The following NRP1 variants were observed in gnomAD, a reference collection of about 807,000 sequenced individuals.
The protein encoded by NRP1 is neuropilin 1, also known as neuropilin-1.
Under a neutral mutation model 106.7 loss-of-function variants are expected in NRP1, and 35 were observed. That is an observed-to-expected ratio of 0.33 (90% confidence interval 0.25 to 0.43). The LOEUF is 0.43. Ranked by LOEUF, NRP1 falls within the 20% of genes least tolerant of loss-of-function variation. The pLI is 1.00. For missense variants in NRP1, 1,024 were observed against 1,170.4 expected (o/e 0.87, Z 1.83); for synonymous variants, 437 against 417.9 (o/e 1.05, Z -0.56).
intron 11 of NRP1, among the ~76,000 whole-genome samples, chr10:33,200,074 T>A (rs1226723816): frequency 6.6e-6 from 1 of 152,164 alleles, no homozygotes; most frequent in Non-Finnish European, 1.5e-5. Flanking sequence ...ATTATATGTA[T>A]TATGGGTTAA....
intron 2 of NRP1, among the ~76,000 whole-genome samples, chr10:33,289,279 C>A (rs888206020): frequency 6.6e-6 from 1 of 152,072 alleles, no homozygotes; most frequent in African/African-American, 2.4e-5. Context: ...GCCATAATGA[C>A]AACAACATCT....
intron 2 of NRP1, among the ~76,000 whole-genome samples, chr10:33,285,047 A>G (rs1317932092): frequency 6.6e-6 from 1 of 152,242 alleles, no homozygotes; most frequent in Non-Finnish European, 1.5e-5. Context: ...TGCCTTCAAC[A>G]TTAAGGATTT....
In NRP1 at chr10:33,226,225, G is replaced by T; in HGVS notation, c.1046C>A (p.Thr349Asn). 1 of 1,614,132 alleles carries T rather than the reference G, an allele frequency of 6.2e-7. No individual in the cohort carries two copies. The highest frequency in any genetic ancestry group is 2.2e-5 in the East Asian group (1 of 44,882). Residue 349 changes from threonine (T) to asparagine (N), a missense_variant, in exon 7 of 17, where the codon ACC becomes AAC. Physicochemically the swap from Thr to Asn is moderately conservative, Grantham distance 65. Transcript: ENST00000374867. Reference sequence around the variant, plus strand: ...AGTCTTGACATAATATTTCTTCTTGGTTTCTTTTGAAATGGCGCCCTGTGT... The same window carrying T: ...AGTCTTGACATAATATTTCTTCTTGTTTTCTTTTGAAATGGCGCCCTGTGT... The part of the protein sequence containing the change: ...VGTQGAISKE[T>N]KKKYYVKTYK...
At chr10:33,272,228 A>G (rs955871529) in intron 2 of NRP1, among the ~76,000 whole-genome samples, 7 of 152,222 alleles carry the variant, frequency 4.6e-5, no homozygotes, top group African/African-American at 1.7e-4. Flanking sequence ...TAAAAATGAC[A>G]TTACCTCATC....
At chr10:33,301,994 A>G (rs1054539460) in intron 2 of NRP1, among the ~76,000 whole-genome samples, 3 of 152,294 alleles carry the variant, frequency 2.0e-5, no homozygotes, top group Admixed American at 2.0e-4. Context: ...GAGAATTTAT[A>G]AAAAGAAAGA....
At chr10:33,272,618 A>G (rs1843386357) in intron 2 of NRP1, among the ~76,000 whole-genome samples, 1 of 152,184 alleles carries the variant, frequency 6.6e-6, no homozygotes, top group Non-Finnish European at 1.5e-5. Flanking sequence ...AGCTGGAAAG[A>G]ACACCATCTC....
At chr10:33,299,866 C>A (rs1227529901) in intron 2 of NRP1, among the ~76,000 whole-genome samples, 1 of 152,158 alleles carries the variant, frequency 6.6e-6, no homozygotes, top group Non-Finnish European at 1.5e-5. Flanking sequence ...ATCCTCGCTG[C>A]CTTGATAGAA....
chr10:33,284,445 T>G (rs1331736130), intron 2 of NRP1, among the ~76,000 whole-genome samples: 1 of 152,238 alleles, frequency 6.6e-6, no homozygotes, highest in Non-Finnish European at 1.5e-5. Flanking sequence ...ATATAAGTGC[T>G]CATTTAAAAA....
At chr10:33,203,711 A>C in intron 10 of NRP1, among the ~76,000 whole-genome samples, 1 of 141,506 alleles carries the variant, frequency 7.1e-6, no homozygotes, top group Admixed American at 7.4e-5. Flanking sequence ...TCCAATATTA[A>C]TCAAAGACTG....
intron 2 of NRP1, among the ~76,000 whole-genome samples, chr10:33,292,034 G>A (rs1196345418): frequency 1.3e-5 from 2 of 151,896 alleles, no homozygotes; most frequent in African/African-American, 4.9e-5. Flanking sequence ...CTCCAGAGTA[G>A]CTACGACTAC....
chr10:33,298,480 G>A (rs1341378931), intron 2 of NRP1, among the ~76,000 whole-genome samples: 1 of 152,120 alleles, frequency 6.6e-6, no homozygotes, highest in African/African-American at 2.4e-5. Context: ...GAATTCCCAA[G>A]ATCTCCAACT....
At chr10:33,226,991 C>A (rs1419352452) in intron 6 of NRP1, among the ~76,000 whole-genome samples, 3 of 152,166 alleles carry the variant, frequency 2.0e-5, no homozygotes, top group Admixed American at 6.5e-5. Flanking sequence ...CAAGCCACTG[C>A]TCACTCATAT....
rs768869080 is a variant in NRP1 at position 33,202,777 on chromosome 10, T to A, written c.1864+114A>T. Reference sequence around the variant, plus strand: ...CGTGTTCTGGCAAGGCAGCTTCTATTCCTGGGCAGCTCTCTGCCATGCGGA... The same window carrying A: ...CGTGTTCTGGCAAGGCAGCTTCTATACCTGGGCAGCTCTCTGCCATGCGGA... On this transcript the variant is annotated intron_variant, in intron 11 of 16. Transcript: ENST00000374867. 6.3e-6 allele frequency: 10 copies of A among 1,595,772 alleles called. No individual in the cohort carries two copies. The African/African-American group carries it at 6.7e-5, about 11-fold the overall frequency.
intron 4 of NRP1, among the ~76,000 whole-genome samples, chr10:33,260,489 C>A (rs1842497587): frequency 6.6e-6 from 1 of 152,230 alleles, no homozygotes; most frequent in African/African-American, 2.4e-5. Context: ...AGTTCCAGCC[C>A]CTTTTGCCAG....
chr10:33,301,845 G>T (rs1719684367), intron 2 of NRP1, among the ~76,000 whole-genome samples: 1 of 152,134 alleles, frequency 6.6e-6, no homozygotes, highest in African/African-American at 2.4e-5. Context: ...CATTCTTGGG[G>T]AATAAGTGTA....
At chr10:33,185,539 T>G in intron 15 of NRP1, 89 bp downstream of exon 15, 1 of 989,986 alleles carries the variant, frequency 1.0e-6, no homozygotes, top group Non-Finnish European at 1.6e-6. Context: ...AAATTCTAGG[T>G]AGAAATGAGC....
chr10:33,257,312 T>C (rs927814247), intron 4 of NRP1, among the ~76,000 whole-genome samples: 1 of 152,188 alleles, frequency 6.6e-6, no homozygotes, highest in African/African-American at 2.4e-5. Flanking sequence ...AGGCGAATGA[T>C]TGGGAACACC....
intron 6 of NRP1, among the ~76,000 whole-genome samples, chr10:33,234,385 T>A (rs1476724069): frequency 6.6e-6 from 1 of 152,196 alleles, no homozygotes; most frequent in Non-Finnish European, 1.5e-5. Context: ...AATTCATATT[T>A]TATAACCATA....
intron 2 of NRP1, among the ~76,000 whole-genome samples, chr10:33,303,277 A>AAC (rs1484450220): frequency 6.6e-6 from 1 of 152,198 alleles, no homozygotes; most frequent in African/African-American, 2.4e-5. Flanking sequence ...CTTATCTTGG[A>AAC]ACACATCCTT....
Sources: allele counts gnomAD v4.1 joint callset (sites outside exome capture counted in the v4.1 genomes callset), GRCh38; gene constraint gnomAD v4.1.1; transcripts MANE v1.5; gene names NCBI Gene and HGNC (gene_info 2026-07-23, HGNC 2026-07-21).